The following NARF variants were observed in gnomAD, a reference collection of about 807,000 sequenced individuals.
The protein encoded by NARF is nuclear prelamin A recognition factor, also known as iron-only hydrogenase-like protein 2.
NARF carries 41 observed loss-of-function variants against 48.0 expected under a neutral mutation model. The observed-to-expected ratio is 0.85, with a 90% CI of 0.66 to 1.11. The LOEUF is 1.11. Among genes scored for constraint, NARF ranks in the 50% least tolerant of loss-of-function variants. The pLI is 0.00. For synonymous variants in NARF, 215 were observed against 225.5 expected, an observed-to-expected ratio of 0.95 and a Z score of 0.42; for missense variants, 613 against 590.2, an observed-to-expected ratio of 1.04 and a Z score of -0.40.
rs1005308870 is a variant in NARF, at chr17:82,485,005, T to G, written c.971+55T>G. 11 of 1,529,080 alleles carry G rather than the reference T, an allele frequency of 7.2e-6. No homozygotes were observed. In the Admixed American group the frequency reaches 1.7e-4, roughly 23 times the overall value. The allele number at this position is 1,529,080 out of a possible 1,614,324, so 94.7% of individuals were successfully genotyped here. On this transcript the variant is annotated intron_variant, in intron 9 of 10. Coordinates refer to ENST00000309794, the MANE Select transcript of NARF (RefSeq NM_012336.4). ...GCCTGTGGTTAGCACGTGTGCATGG[T>G]GTGCCTGTATGGATCTGTGCATGTG...
chr17:82,478,705 G>A, intron 5 of NARF, 95 bp from the exon 6 acceptor site: 3 of 1,250,000 alleles, frequency 2.4e-6, no homozygotes, highest in Non-Finnish European at 3.5e-6. Flanking sequence ...CTTCACCCTG[G>A]GGCGGCAGGG....
chr17:82,478,924 C>A lies in NARF; in HGVS notation c.639+6C>A. On this transcript the variant is annotated splice_donor_region_variant and intron_variant, in intron 6 of 10. Coordinates refer to ENST00000309794, the MANE Select transcript of NARF (RefSeq NM_012336.4). ...ATTATTTCGCCAGACAGCAGGTAAG[C>A]TGACCTCTCTGGAGGGCAGGAAGGG... The A allele has an allele frequency of 6.2e-7, 1 of 1,611,712 alleles. No individual in the cohort carries two copies.
intron 10 of NARF, 75 bp from the exon 11 acceptor site, chr17:82,487,841 G>A: frequency 2.0e-6 from 3 of 1,478,900 alleles, no homozygotes; most frequent in Non-Finnish European, 2.7e-6. Context: ...TGTGTCTGTA[G>A]TTCTAGCTGC....
chr17:82,482,137 T>A (rs984377817), intron 7 of NARF: 4 of 306,108 alleles, frequency 1.3e-5, no homozygotes, highest in Non-Finnish European at 2.6e-5. Context: ...TTTTAATTGG[T>A]CTCTGAAAAC....
rs2044132923 is a variant in NARF at position 82,487,943 on chromosome 17, A to G, written c.1157A>G (p.Gln386Arg). The change falls in exon 11 of 11, where the codon CAG becomes CGG. Residue 386 changes from glutamine to arginine, a missense_variant. Gln to Arg is a conservative substitution (Grantham distance 43). Transcript: ENST00000309794. ...TGCTTAAATGGCAGAGGCCAAGCCC[A>G]GACTCCAGACGGACATGCGGATAAG... is the stretch of plus-strand genomic sequence containing the variant. ...GGCLNGRGQA[Q>R]TPDGHADKAL... The G allele has an allele frequency of 1.2e-6, 2 of 1,614,126 alleles. No homozygotes were observed. Among genetic ancestry groups the G allele is most frequent in the African/African-American group, 1.3e-5 (1 of 74,950 alleles).
upstream of NARF, chr17:82,458,417 C>T (rs531077209): frequency 2.9e-4 from 58 of 201,158 alleles, 1 homozygote; most frequent in African/African-American, 1.2e-3. Flanking sequence ...GCGCGCTCAC[C>T]GACTCCCTGG....
At chr17:82,485,679 G>A (rs9890801) in intron 10 of NARF, 25 bp downstream of exon 10, 1 of 1,612,248 alleles carries the variant, frequency 6.2e-7, no homozygotes, top group African/African-American at 1.3e-5. Flanking sequence ...GCAGCACCTG[G>A]CTCTGTCTCC....
intron 4 of NARF, among the ~76,000 whole-genome samples, chr17:82,470,655 C>G (rs538722235): frequency 6.6e-6 from 1 of 151,760 alleles, no homozygotes; most frequent in African/African-American, 2.4e-5. Context: ...CCACCACGCC[C>G]GGCTAATTTT....
intron 5 of NARF, among the ~76,000 whole-genome samples, chr17:82,473,052 T>G (rs967082963): frequency 5.9e-5 from 9 of 151,824 alleles, no homozygotes; most frequent in African/African-American, 1.9e-4. Flanking sequence ...GCGATTCTCC[T>G]GCCTTAGCCT....
rs768232297 is a variant in NARF, at chr17:82,488,036, A to G, written c.1250A>G (p.His417Arg). ...IPVRRPESSA[H>R]VQELYQEWLE... is the part of the protein sequence containing the mutation. ...GTGCGGCGTCCGGAGTCCAGTGCACACGTGCAGGAGCTGTACCAGGAGTGG... is the reference window on the plus strand; with the variant it reads ...GTGCGGCGTCCGGAGTCCAGTGCACGCGTGCAGGAGCTGTACCAGGAGTGG... The change falls in exon 11 of 11, where the codon CAC (histidine) becomes CGC (arginine). Residue 417 changes from histidine (H) to arginine (R), a missense_variant. Physicochemically the swap from His to Arg is conservative, Grantham distance 29. Coordinates refer to ENST00000309794, the MANE Select transcript of NARF (RefSeq NM_012336.4). 4 of 1,614,058 alleles carry G rather than the reference A, an allele frequency of 2.5e-6. No individual in the cohort carries two copies. The African/African-American group carries it at 5.3e-5, about 22-fold the overall frequency.
chr17:82,468,748 C>G lies in NARF; in HGVS notation c.253-16C>G. 4 of 1,612,800 alleles carry G rather than the reference C, an allele frequency of 2.5e-6. No individual in the cohort carries two copies. The highest frequency in any genetic ancestry group is 1.1e-5 in the South Asian group (1 of 90,724). ...GTAATCAGCAGATACCTAACATTCT[C>G]TATTTCTCCTTCTAGAAATGTGATA... On this transcript the variant is annotated splice_polypyrimidine_tract_variant and intron_variant, in intron 3 of 10. Transcript: ENST00000309794.
chr17:82,463,003 G>A (rs943660321), intron 2 of NARF: 2 of 152,116 alleles, frequency 1.3e-5, no homozygotes, highest in Non-Finnish European at 2.9e-5. Flanking sequence ...TGAGCCCCAT[G>A]CGGACCTCCT....
intron 5 of NARF, among the ~76,000 whole-genome samples, chr17:82,475,358 T>C (rs920520312): frequency 2.0e-5 from 3 of 152,220 alleles, no homozygotes; most frequent in Non-Finnish European, 2.9e-5. Flanking sequence ...CCCAGCACTT[T>C]GGGAGGCCGA....
chr17:82,477,285 C>T (rs983900046), intron 5 of NARF: 1 of 151,882 alleles, frequency 6.6e-6, no homozygotes, highest in Non-Finnish European at 1.5e-5. Flanking sequence ...GGGAGGATCT[C>T]CTGAGGTCAA....
At position 82,485,532 on chromosome 17, in the gene NARF, A is replaced by C; in HGVS notation, c.1007A>C (p.Asn336Thr). 1 of 1,614,242 alleles carries C rather than the reference A, an allele frequency of 6.2e-7. No homozygotes were observed. Among genetic ancestry groups the C allele is most frequent in the Non-Finnish European group, 8.5e-7 (1 of 1,180,042 alleles). The change falls in exon 10 of 11, where the codon AAC (asparagine) becomes ACC (threonine). Residue 336 changes from asparagine to threonine, a missense_variant. Coordinates refer to ENST00000309794, the MANE Select transcript of NARF (RefSeq NM_012336.4). ...TTCCAAGAGGTCACCCTTGAGAAGAACGGAGAGGTGGTGTTACGCTTTGCT... is the reference window on the plus strand; with the variant it reads ...TTCCAAGAGGTCACCCTTGAGAAGACCGGAGAGGTGGTGTTACGCTTTGCT... ...KDFQEVTLEK[N>T]GEVVLRFAAA...
At chr17:82,486,227 G>A (rs551186835) in intron 10 of NARF, among the ~76,000 whole-genome samples, 15 of 152,120 alleles carry the variant, frequency 9.9e-5, no homozygotes, top group Admixed American at 3.3e-4. Context: ...GGGGGTCTCC[G>A]GGAAGGACTT....
chr17:82,476,103 G>A (rs969602978), intron 5 of NARF, among the ~76,000 whole-genome samples: 6 of 151,984 alleles, frequency 3.9e-5, no homozygotes, highest in African/African-American at 1.5e-4. Context: ...CATCCCCCAG[G>A]TTCAAGTGAT....
intron 5 of NARF, among the ~76,000 whole-genome samples, chr17:82,478,380 T>C (rs1484988269): frequency 6.6e-6 from 1 of 152,234 alleles, no homozygotes; most frequent in Non-Finnish European, 1.5e-5. Context: ...GTGAGAGAAG[T>C]TGGGCAAGCA....
At chr17:82,466,194 A>C (rs1261425974) in intron 3 of NARF, among the ~76,000 whole-genome samples, 1 of 152,224 alleles carries the variant, frequency 6.6e-6, no homozygotes, top group Non-Finnish European at 1.5e-5. Flanking sequence ...AACCCTTGAA[A>C]GTGTCTGTGT....
Sources: gnomAD v4.1 joint callset for allele counts (sites outside exome capture counted in the v4.1 genomes callset) on GRCh38, gnomAD v4.1.1 for gene constraint, MANE v1.5 for transcripts, NCBI Gene and HGNC (gene_info 2026-07-23, HGNC 2026-07-21) for gene names.